SATB1: variants seen among roughly 807,000 people sequenced by gnomAD.
SATB1 encodes SATB homeobox 1, also known as DNA-binding protein SATB1.
SATB1 carries 11 observed loss-of-function variants against 86.9 expected under a neutral mutation model. The ratio of observed to expected loss-of-function variants is 0.13; its 90% CI spans 0.08 to 0.21. The LOEUF (loss-of-function observed/expected upper bound fraction) is 0.21. Among genes scored for constraint, SATB1 ranks in the 10% least tolerant of loss-of-function variants. The pLI is 1.00. For missense variants in SATB1, 551 were observed against 937.6 expected, an observed-to-expected ratio of 0.59 and a Z score of 5.39; for synonymous variants, 357 against 357.2, an observed-to-expected ratio of 1.00 and a Z score of 0.01.
At chr3:18,362,881 AC>A (rs61361033) in intron 9 of SATB1, among the ~76,000 whole-genome samples, 13 of 108,152 alleles carry the variant, frequency 1.2e-4, no homozygotes, top group African/African-American at 1.4e-4. Context: ...AAAAAAAAAA[AC>A]CAAAACCCCA....
intron 7 of SATB1, among the ~76,000 whole-genome samples, chr3:18,387,344 C>T (rs951096767): frequency 2.0e-5 from 3 of 152,040 alleles, no homozygotes; most frequent in East Asian, 1.9e-4. Flanking sequence ...TTCAACATTG[C>T]GAAAGTCCAT....
chr3:18,409,409 T>C (rs1007119673), intron 5 of SATB1: 2 of 152,034 alleles, frequency 1.3e-5, no homozygotes, highest in Non-Finnish European at 2.9e-5. Context: ...CACATTATAA[T>C]ATTAACACAG....
rs1694959070 is a variant in SATB1, at chr3:18,362,653, T to A, written c.1576-10458A>T. The stretch of plus-strand genomic sequence containing the variant: ...AAGGCAAATAAAATTATTATTTTCT[T>A]TAAAAAGAAGAATTTATGCTAGGAA... On this transcript the variant is annotated intron_variant, in intron 9 of 10. Transcript: ENST00000338745. Among the ~76,000 whole-genome samples the A allele has an allele frequency of 3.3e-5, 5 of 152,012 alleles. No homozygotes were observed. The South Asian group carries it at 1.0e-3, about 32-fold the overall frequency.
intron 3 of SATB1, 66 bp from the exon 4 acceptor site, chr3:18,416,199 G>C (rs1698104180): frequency 2.2e-6 from 3 of 1,350,324 alleles, no homozygotes; most frequent in Admixed American, 4.2e-5. Context: ...TACTAGAAGG[G>C]TGTTCTTTTC....
At chr3:18,390,852 T>C (rs1356755779) in intron 7 of SATB1, among the ~76,000 whole-genome samples, 1 of 152,152 alleles carries the variant, frequency 6.6e-6, no homozygotes, top group Non-Finnish European at 1.5e-5. Context: ...TTAAGGAATG[T>C]ATTTGCATGT....
At chr3:18,385,701 G>C (rs540386189) in intron 8 of SATB1, among the ~76,000 whole-genome samples, 2 of 152,038 alleles carry the variant, frequency 1.3e-5, no homozygotes, top group Non-Finnish European at 2.9e-5. Context: ...TTTTATCTAA[G>C]GGTTTGTAAT....
chr3:18,368,322 A>C (rs1278545604), intron 9 of SATB1, among the ~76,000 whole-genome samples: 1 of 152,228 alleles, frequency 6.6e-6, no homozygotes, highest in African/African-American at 2.4e-5. Context: ...AATTAGATGG[A>C]AGAAGAGTTC....
At chr3:18,380,415 T>C (rs1695987172) in intron 8 of SATB1, among the ~76,000 whole-genome samples, 1 of 151,970 alleles carries the variant, frequency 6.6e-6, no homozygotes, top group Non-Finnish European at 1.5e-5. Flanking sequence ...TGTGACTTTG[T>C]TTCTAAAAAC....
At chr3:18,441,845 T>C (rs1197829645), upstream of SATB1, among the ~76,000 whole-genome samples, 1 of 152,190 alleles carries the variant, frequency 6.6e-6, no homozygotes, top group African/African-American at 2.4e-5. Context: ...AGTATTTCTT[T>C]ACCATCACTC....
At chr3:18,397,705 A>C (rs1697035767) in intron 5 of SATB1, among the ~76,000 whole-genome samples, 1 of 152,240 alleles carries the variant, frequency 6.6e-6, no homozygotes, top group East Asian at 1.9e-4. Context: ...AGTATAGACC[A>C]GGGACCAGCA....
chr3:18,405,314 T>C (rs1697467043), intron 5 of SATB1, among the ~76,000 whole-genome samples: 1 of 151,988 alleles, frequency 6.6e-6, no homozygotes, highest in South Asian at 2.1e-4. Context: ...CTTGTGTGGT[T>C]AAATCGCTCA....
chr3:18,432,720 G>A (rs1698926967), intron 2 of SATB1, among the ~76,000 whole-genome samples: 1 of 151,438 alleles, frequency 6.6e-6, no homozygotes, highest in South Asian at 2.1e-4. Context: ...CAGTGTGTAT[G>A]TAATTAATGT....
At chr3:18,378,545 C>T (rs1695879423) in intron 8 of SATB1, among the ~76,000 whole-genome samples, 1 of 152,076 alleles carries the variant, frequency 6.6e-6, no homozygotes, top group Non-Finnish European at 1.5e-5. Flanking sequence ...ACAGCAACTG[C>T]CAGCTGACAA....
chr3:18,435,251 A>G (rs572433293), intron 2 of SATB1: 2 of 152,114 alleles, frequency 1.3e-5, no homozygotes, highest in East Asian at 3.9e-4. Context: ...AATGGTGCAA[A>G]AAGATACAGA....
chr3:18,443,805 AC>A lies in SATB1; in HGVS notation c.-25+1712del, dbSNP rs760529094. On this transcript the variant is annotated intron_variant, in intron 1 of 3. Coordinates refer to the SATB1 transcript ENST00000415069. The surrounding 1 kb of genome is among the most constrained non-coding windows in gnomAD (Gnocchi z 4.4). ...AACACGGTGTGGACTGCGAGGCTGC[AC>A]CTGTGATGTCCCGGCCCCTGCTAAG... Among the ~76,000 whole-genome samples the A allele has an allele frequency of 6.6e-6, 1 of 152,068 alleles. No homozygotes were observed. Among genetic ancestry groups the A allele is most frequent in the Non-Finnish European group, 1.5e-5 (1 of 68,014 alleles).
At chr3:18,415,745 T>C (rs1559451107) in intron 4 of SATB1, among the ~76,000 whole-genome samples, 2 of 152,124 alleles carry the variant, frequency 1.3e-5, no homozygotes, top group Non-Finnish European at 2.9e-5. Flanking sequence ...CATTATTTAA[T>C]TGACTAAACG....
chr3:18,380,046 A>C (rs369635741), intron 8 of SATB1, among the ~76,000 whole-genome samples: 130 of 152,302 alleles, frequency 8.5e-4, no homozygotes, highest in African/African-American at 3.1e-3. Context: ...AATTGCCTAC[A>C]AAGTTGCTTT....
chr3:18,410,321 T>C (rs1169284828), intron 5 of SATB1, among the ~76,000 whole-genome samples: 2 of 152,054 alleles, frequency 1.3e-5, no homozygotes, highest in African/African-American at 4.8e-5. Flanking sequence ...GGCTTTCATT[T>C]TGTCTTTTTT....
At chr3:18,365,510 A>G (rs747506602) in intron 9 of SATB1, among the ~76,000 whole-genome samples, 16 of 152,100 alleles carry the variant, frequency 1.1e-4, no homozygotes, top group Non-Finnish European at 1.8e-4. Context: ...GTGATCAAAT[A>G]CCAGTCCCTG....
Sources: gnomAD v4.1 joint callset for allele counts (sites outside exome capture counted in the v4.1 genomes callset) on GRCh38, gnomAD v4.1.1 for gene constraint, Gnocchi (gnomAD v3.1) non-coding constraint, MANE v1.5 for transcripts, NCBI Gene and HGNC (gene_info 2026-07-23, HGNC 2026-07-21) for gene names.